FBXL7: variants seen among roughly 807,000 people sequenced by gnomAD.
The protein encoded by FBXL7 is F-box and leucine rich repeat protein 7.
In FBXL7, 12 loss-of-function variants were observed where a neutral mutation model predicts 38.3. The observed-to-expected ratio is 0.31, with a 90% confidence interval of 0.20 to 0.51. The LOEUF (loss-of-function observed/expected upper bound fraction) is 0.51. Among genes scored for constraint, FBXL7 ranks in the 20% least tolerant of loss-of-function variants. The pLI is 0.98. For synonymous variants in FBXL7, 297 were observed against 300.9 expected (o/e 0.99, Z 0.13); for missense variants, 567 against 676.4 (o/e 0.84, Z 1.79).
At chr5:15,620,413 G>C (rs7379255) in intron 2 of FBXL7, among the ~76,000 whole-genome samples, 3 of 95,218 alleles carry the variant, frequency 3.2e-5, no homozygotes, top group Non-Finnish European at 6.9e-5. Flanking sequence ...TTTGTTTTTT[G>C]TTTTTTTTTT....
intron 2 of FBXL7, among the ~76,000 whole-genome samples, chr5:15,643,156 C>G (rs1741418189): frequency 6.6e-6 from 1 of 152,178 alleles, no homozygotes; most frequent in African/African-American, 2.4e-5. Context: ...TCAGTGAACT[C>G]TCTAGCGACA....
At chr5:15,857,953 T>C (rs991821345) in intron 2 of FBXL7, among the ~76,000 whole-genome samples, 1 of 152,112 alleles carries the variant, frequency 6.6e-6, no homozygotes, top group Non-Finnish European at 1.5e-5. Context: ...CCGATAGATA[T>C]AAGTTGAGGA....
intron 2 of FBXL7, among the ~76,000 whole-genome samples, chr5:15,894,303 T>C (rs140264766): frequency 5.4e-4 from 82 of 152,282 alleles, no homozygotes; most frequent in Middle Eastern, 3.4e-3. Context: ...CAAAAAAGAA[T>C]ATCAGTCCCA....
chr5:15,664,787 GT>G (rs1742214238), intron 2 of FBXL7, among the ~76,000 whole-genome samples: 1 of 151,514 alleles, frequency 6.6e-6, no homozygotes, highest in African/African-American at 2.4e-5. Context: ...TTCTTCAAGC[GT>G]CCTAACTCCT....
At chr5:15,518,587 C>T (rs143404459) in intron 1 of FBXL7, among the ~76,000 whole-genome samples, 78 of 152,162 alleles carry the variant, frequency 5.1e-4, no homozygotes, top group Admixed American at 2.3e-3. Flanking sequence ...GACTTGGTGA[C>T]GAATTGGCTG....
intron 2 of FBXL7, among the ~76,000 whole-genome samples, chr5:15,617,525 G>C (rs1398742856): frequency 6.6e-6 from 1 of 151,940 alleles, no homozygotes; most frequent in Admixed American, 6.6e-5. Flanking sequence ...GCCGTGGCAC[G>C]ATCTTTGCTC....
chr5:15,683,679 G>A (rs1195265773), intron 2 of FBXL7, among the ~76,000 whole-genome samples: 1 of 152,120 alleles, frequency 6.6e-6, no homozygotes, highest in Non-Finnish European at 1.5e-5. Context: ...CTACTCCTGG[G>A]GGAGGCCCGG....
intron 1 of FBXL7, chr5:15,602,272 G>A (rs894419966): frequency 6.6e-6 from 1 of 151,978 alleles, no homozygotes; most frequent in African/African-American, 2.4e-5. Flanking sequence ...TCACCACGGG[G>A]ACTCTGTAGG....
At chr5:15,565,208 T>G (rs2126442593) in intron 1 of FBXL7, among the ~76,000 whole-genome samples, 1 of 152,256 alleles carries the variant, frequency 6.6e-6, no homozygotes, top group Admixed American at 6.6e-5. Context: ...AAAAAAAGTT[T>G]GTCAAGTCTC....
Position 15,641,235 on chromosome 5 carries a change from T to G in FBXL7, c.127+25163T>G, listed in dbSNP as rs183548018. Among the ~76,000 whole-genome samples, 445 of 152,308 alleles carry G rather than the reference T, an allele frequency of 2.9e-3. 1 individual carries two copies. Among genetic ancestry groups the G allele is most frequent in the Non-Finnish European group, 4.0e-3 (274 of 68,022 alleles). ...GTTGACCTAGTCCCACCTAAACCTT[T>G]CCATGAGACTGAGACTTGAAAGGGA... On this transcript the variant is annotated intron_variant, in intron 2 of 3. Coordinates refer to ENST00000504595, the MANE Select transcript of FBXL7 (RefSeq NM_012304.5).
At chr5:15,865,127 G>A (rs2126813808) in intron 2 of FBXL7, among the ~76,000 whole-genome samples, 1 of 152,284 alleles carries the variant, frequency 6.6e-6, no homozygotes, top group East Asian at 1.9e-4. Context: ...CATAAGGAGA[G>A]AAACCATCTC....
rs555344577 is a variant in FBXL7 at position 15,725,185 on chromosome 5, G to C, written c.127+109113G>C. ...CTTCTTTCTGTTAGCTTTGCATTTA[G>C]TTTATACTTCTTTCCCTAGCTCTTT... On this transcript the variant is annotated intron_variant, in intron 2 of 3. Coordinates refer to ENST00000504595, the MANE Select transcript of FBXL7 (RefSeq NM_012304.5). 3.9e-5 allele frequency among the ~76,000 whole-genome samples: 6 copies of C among 152,102 alleles called. No homozygotes were observed. In the South Asian group the frequency reaches 1.2e-3, roughly 32 times the overall value.
intron 2 of FBXL7, among the ~76,000 whole-genome samples, chr5:15,913,491 G>C (rs776154808): frequency 4.0e-5 from 6 of 151,812 alleles, no homozygotes; most frequent in African/African-American, 1.5e-4. Flanking sequence ...TTTTTTTCTC[G>C]TTGAAAGTTG....
intron 2 of FBXL7, among the ~76,000 whole-genome samples, chr5:15,859,614 G>C (rs1428861058): frequency 6.6e-6 from 1 of 152,082 alleles, no homozygotes; most frequent in Non-Finnish European, 1.5e-5. Flanking sequence ...GTGTGCAGAG[G>C]AACTCCCTTT....
chr5:15,845,679 A>G (rs965737582), intron 2 of FBXL7, among the ~76,000 whole-genome samples: 3 of 152,234 alleles, frequency 2.0e-5, no homozygotes, highest in African/African-American at 7.2e-5. Flanking sequence ...AATTGAATTT[A>G]AAAATACAGA....
At chr5:15,853,433 G>T (rs891473243) in intron 2 of FBXL7, among the ~76,000 whole-genome samples, 1 of 152,136 alleles carries the variant, frequency 6.6e-6, no homozygotes, top group Non-Finnish European at 1.5e-5. Flanking sequence ...GGCATGGCTG[G>T]GTAGAGACCT....
intron 2 of FBXL7, among the ~76,000 whole-genome samples, chr5:15,736,312 CAT>C (rs1735746368): frequency 6.6e-6 from 1 of 152,122 alleles, no homozygotes; most frequent in Non-Finnish European, 1.5e-5. Context: ...ATAAATTTAA[CAT>C]ATTCATTTCT....
intron 2 of FBXL7, among the ~76,000 whole-genome samples, chr5:15,911,710 A>G (rs1741433735): frequency 2.2e-5 from 2 of 90,866 alleles, no homozygotes; most frequent in East Asian, 5.5e-4. Context: ...TTCGGTGTAG[A>G]TGTCCTTTCT....
intron 1 of FBXL7, among the ~76,000 whole-genome samples, chr5:15,565,587 G>GCT (rs1301079724): frequency 2.0e-5 from 3 of 151,098 alleles, no homozygotes; most frequent in Non-Finnish European, 3.0e-5. Flanking sequence ...AATAAATCTT[G>GCT]CTCTCTCTCT....
Sources: gnomAD v4.1 joint callset for allele counts (sites outside exome capture counted in the v4.1 genomes callset) on GRCh38, gnomAD v4.1.1 for gene constraint, MANE v1.5 for transcripts, NCBI Gene and HGNC (gene_info 2026-07-23, HGNC 2026-07-21) for gene names.